DTL: variants seen among roughly 807,000 people sequenced by gnomAD.
The protein encoded by DTL is denticleless E3 ubiquitin protein ligase adapter.
A neutral mutation model predicts 87.0 loss-of-function variants in DTL; 46 were observed. The ratio of observed to expected loss-of-function variants is 0.53; its 90% CI spans 0.42 to 0.68. The LOEUF (loss-of-function observed/expected upper bound fraction) is 0.68, where lower values mean the gene tolerates loss of function less well. Among genes scored for constraint, DTL ranks in the 30% least tolerant of loss-of-function variants. DTL has a pLI of 0.00. For missense variants in DTL, 737 were observed against 869.4 expected (o/e 0.85, Z 1.91); for synonymous variants, 308 against 311.2 (o/e 0.99, Z 0.11).
At chr1:212,100,208 A>G (rs762999425) in intron 13 of DTL, 44 bp from the exon 14 acceptor site, 8 of 1,432,304 alleles carry the variant, frequency 5.6e-6, no homozygotes, top group South Asian at 4.1e-5. Flanking sequence ...GGGACTTTGT[A>G]TGGCTTTCAC....
At chr1:212,039,116 G>C (rs972537200) in intron 1 of DTL, among the ~76,000 whole-genome samples, 1 of 152,114 alleles carries the variant, frequency 6.6e-6, no homozygotes, top group African/African-American at 2.4e-5. Context: ...GTCAAAAAAT[G>C]TGTTTAAATT....
intron 5 of DTL, among the ~76,000 whole-genome samples, chr1:212,059,442 AG>A (rs1668273722): frequency 6.6e-6 from 1 of 152,220 alleles, no homozygotes; most frequent in African/African-American, 2.4e-5. Context: ...TTTAGTAGAT[AG>A]AGAAAAATAA....
At chr1:212,044,846 A>C in intron 3 of DTL, 88 bp downstream of exon 3, 3 of 798,102 alleles carry the variant, frequency 3.8e-6, no homozygotes, top group Non-Finnish European at 6.3e-6. Context: ...ATTCTGTTTT[A>C]GTCTGTCTTC....
chr1:212,054,162 C>G (rs1211985850), intron 5 of DTL, among the ~76,000 whole-genome samples: 2 of 152,090 alleles, frequency 1.3e-5, no homozygotes, highest in East Asian at 3.9e-4. Context: ...TTCAGTTTCT[C>G]TTGCCCATAT....
At chr1:212,044,628 T>C (rs1191684266) in intron 2 of DTL, 32 bp from the exon 3 acceptor site, 4 of 1,279,742 alleles carry the variant, frequency 3.1e-6, no homozygotes, top group South Asian at 1.3e-5. Flanking sequence ...ATTGTGTTAC[T>C]CTATATATTT....
chr1:212,055,502 C>T (rs1170592484), intron 5 of DTL, among the ~76,000 whole-genome samples: 1 of 152,172 alleles, frequency 6.6e-6, no homozygotes, highest in Non-Finnish European at 1.5e-5. Context: ...GGGAGCCACA[C>T]ACAGCGACCT....
rs1655707868 is a variant in DTL at position 212,104,246 on chromosome 1, A to ACTGTGTAGACTTTGTCAGTT, written c.*1319_*1320insGTCAGTTCTGTGTAGACTTT. The stretch of plus-strand genomic sequence containing the variant: ...ATTTGTTTTATCCATATCCCTGAGG[A>ACTGTGTAGACTTTGTCAGTT]CTGTGTAGACTTTATGTCAGTTTTT... On this transcript the variant is annotated 3_prime_UTR_variant, in exon 15 of 15. Transcript: ENST00000366991. 1 of 151,390 alleles carries ACTGTGTAGACTTTGTCAGTT rather than the reference A, an allele frequency of 6.6e-6. No individual in the cohort carries two copies. Among genetic ancestry groups the ACTGTGTAGACTTTGTCAGTT allele is most frequent in the Admixed American group, 6.6e-5 (1 of 15,184 alleles). The allele number at this position is 151,390 out of a possible 1,614,324, so 9.4% of individuals were successfully genotyped here.
chr1:212,054,495 T>C (rs909485238), intron 5 of DTL, among the ~76,000 whole-genome samples: 3 of 150,810 alleles, frequency 2.0e-5, no homozygotes, highest in East Asian at 1.9e-4. Flanking sequence ...AAAAATTGCA[T>C]GTTTAAGAGG....
Position 212,054,222 on chromosome 1 carries a change from G to C in DTL, c.460+6805G>C, listed in dbSNP as rs573758169. ...GGACTGAGTTTAAACACGGAATCAT[G>C]GGTTCCCTTTCTCTAGCTGTCTCCA... On this transcript the variant is annotated intron_variant, in intron 5 of 14. Coordinates refer to ENST00000366991, the MANE Select transcript of DTL (RefSeq NM_016448.4). Among the ~76,000 whole-genome samples the C allele has an allele frequency of 1.8e-4, 27 of 152,154 alleles. No homozygotes were observed. In the South Asian group the frequency reaches 5.0e-3, roughly 28 times the overall value.
intron 13 of DTL, among the ~76,000 whole-genome samples, chr1:212,094,240 G>C (rs1655376678): frequency 6.6e-6 from 1 of 152,128 alleles, no homozygotes; most frequent in Admixed American, 6.5e-5. Flanking sequence ...TCAGGTCTTA[G>C]ATGTAAGTCT....
chr1:212,068,186 A>G (rs1209173445), intron 8 of DTL, 38 bp from the exon 9 acceptor site: 10 of 1,409,418 alleles, frequency 7.1e-6, no homozygotes, highest in African/African-American at 1.4e-5. Flanking sequence ...TGGGGTTGGA[A>G]GAAGGTCTAC....
chr1:212,052,063 T>C, intron 5 of DTL: 3 of 957,730 alleles, frequency 3.1e-6, no homozygotes, highest in Admixed American at 3.4e-5. Context: ...GATATGAAAT[T>C]CTGGGTCAAC....
At position 212,068,611 on chromosome 1, in the gene DTL, T is replaced by C. The variant is rs1357778949; in HGVS notation, c.830T>C (p.Leu277Pro). ...TTCCTTTTTCCAGGATATTCAAGTC[T>C]GATTTTGGATTCCACTGGCTCTACT... ...SSTRKLGYSS[L>P]ILDSTGSTLF... The change falls in exon 10 of 15, where the codon CTG (leucine) becomes CCG (proline). Residue 277 changes from leucine (L) to proline (P), a missense_variant. Physicochemically the swap from Leu to Pro is moderately conservative, Grantham distance 98. Transcript: ENST00000366991. 6.2e-7 allele frequency: 1 copy of C among 1,611,070 alleles called. No individual in the cohort carries two copies. Among genetic ancestry groups the C allele is most frequent in the South Asian group, 1.1e-5 (1 of 90,922 alleles).
rs1173557375 is a variant in DTL at position 212,072,188 on chromosome 1, G to A, written c.1010G>A (p.Ser337Asn). 1 of 1,613,916 alleles carries A rather than the reference G, an allele frequency of 6.2e-7. No individual in the cohort carries two copies. The highest frequency in any genetic ancestry group is 8.5e-7 in the Non-Finnish European group (1 of 1,179,844). ...GACCAGTTTTTAGTCAGTGGCTCAA[G>A]TGATGAAGCTGCCTACATATGGAAG... ...PDDQFLVSGS[S>N]DEAAYIWKVS... Residue 337 changes from serine to asparagine, a missense_variant, in exon 11 of 15, where the codon AGT becomes AAT. Ser to Asn is a conservative substitution (Grantham distance 46). Coordinates refer to ENST00000366991, the MANE Select transcript of DTL (RefSeq NM_016448.4).
At chr1:212,061,887 C>T (rs1426016875) in intron 5 of DTL, among the ~76,000 whole-genome samples, 2 of 152,112 alleles carry the variant, frequency 1.3e-5, no homozygotes, top group Non-Finnish European at 2.9e-5. Flanking sequence ...AGAAAGGTTG[C>T]TTGATGGATA....
chr1:212,065,647 G>A (rs905702426), intron 7 of DTL, among the ~76,000 whole-genome samples: 1 of 152,174 alleles, frequency 6.6e-6, no homozygotes, highest in African/African-American at 2.4e-5. Flanking sequence ...ATTAAGTACT[G>A]TGATGCAGTT....
chr1:212,099,461 T>TG (rs1655547321), intron 13 of DTL: 1 of 152,416 alleles, frequency 6.6e-6, no homozygotes, highest in African/African-American at 2.4e-5. Context: ...GTTGAACTCC[T>TG]GACCTCAAGT....
intron 5 of DTL, among the ~76,000 whole-genome samples, chr1:212,049,030 C>A (rs1326227885): frequency 6.6e-6 from 1 of 152,172 alleles, no homozygotes; most frequent in Non-Finnish European, 1.5e-5. Context: ...TCAAGCAATT[C>A]TCATGCCTCA....
At chr1:212,079,329 A>G (rs970218785) in intron 12 of DTL, among the ~76,000 whole-genome samples, 3 of 151,846 alleles carry the variant, frequency 2.0e-5, no homozygotes, top group Admixed American at 6.6e-5. Flanking sequence ...TTCAATTGTC[A>G]TATATTATCC....
Sources: gnomAD v4.1 joint callset for allele counts (sites outside exome capture counted in the v4.1 genomes callset) on GRCh38, gnomAD v4.1.1 for gene constraint, MANE v1.5 for transcripts, NCBI Gene and HGNC (gene_info 2026-07-23, HGNC 2026-07-21) for gene names.